PRORP: variants seen among roughly 807,000 people sequenced by gnomAD.
The protein encoded by PRORP is protein only RNase P catalytic subunit.
Under a neutral mutation model 59.4 loss-of-function variants are expected in PRORP, and 51 were observed. The ratio of observed to expected loss-of-function variants is 0.86; its 90% confidence interval spans 0.69 to 1.08. The LOEUF is 1.08. Ranked by LOEUF, PRORP falls within the 50% of genes least tolerant of loss-of-function variation. The pLI, the probability that PRORP is intolerant of heterozygous loss-of-function variation, is 0.00. For missense variants in PRORP, 646 were observed against 690.3 expected, an observed-to-expected ratio of 0.94 and a Z score of 0.72; for synonymous variants, 231 against 245.6, an observed-to-expected ratio of 0.94 and a Z score of 0.55.
Position 35,273,637 on chromosome 14 carries a change from T to C in PRORP, c.*71T>C. On this transcript the variant is annotated 3_prime_UTR_variant, in exon 8 of 8. Coordinates refer to ENST00000534898, the MANE Select transcript of PRORP (RefSeq NM_014672.4). ...TTGGCATCAGAGGCTCTTGAGCTGG[T>C]GTTTGTTTAGGGCATTGCCTCTGTC... 2.0e-6 allele frequency: 3 copies of C among 1,464,962 alleles called. No individual in the cohort carries two copies. Among genetic ancestry groups the C allele is most frequent in the Non-Finnish European group, 2.8e-6 (3 of 1,085,182 alleles). 90.7% of individuals were successfully genotyped at this position (1,464,962 alleles called of 1,614,324 possible). A position where few individuals can be genotyped will look rare whatever the true frequency, so the allele number is the denominator to read the frequency against.
At chr14:35,190,873 C>G (rs905310218) in intron 5 of PRORP, among the ~76,000 whole-genome samples, 3 of 152,144 alleles carry the variant, frequency 2.0e-5, no homozygotes, top group Non-Finnish European at 2.9e-5. Context: ...AGCACTTGAA[C>G]CAACATCTCT....
chr14:35,180,793 A>C lies in PRORP; in HGVS notation c.1275+16A>C. 1 of 1,457,314 alleles carries C rather than the reference A, an allele frequency of 6.9e-7. No homozygotes were observed. The highest frequency in any genetic ancestry group is 9.6e-7 in the Non-Finnish European group (1 of 1,039,500). The allele number at this position is 1,457,314 out of a possible 1,614,324, so 90.3% of individuals were successfully genotyped here. ...ATCTCAACTTGTAAGTATAAGTTTT[A>C]CTTTGTTATTCCACATCTCTAGAAA... On this transcript the variant is annotated intron_variant, in intron 5 of 7. Coordinates refer to ENST00000534898, the MANE Select transcript of PRORP (RefSeq NM_014672.4).
intron 4 of PRORP, 23 bp downstream of exon 4, chr14:35,127,634 C>A (rs760600098): frequency 5.0e-6 from 8 of 1,612,956 alleles, no homozygotes; most frequent in Admixed American, 3.3e-5. Flanking sequence ...AGTTTTATTT[C>A]TTCTTGGATT....
At chr14:35,243,829 G>C (rs540341919) in intron 5 of PRORP, among the ~76,000 whole-genome samples, 39 of 152,228 alleles carry the variant, frequency 2.6e-4, no homozygotes, top group Admixed American at 1.5e-3. Flanking sequence ...ATTAAGTGGT[G>C]ATGTGTATAA....
intron 5 of PRORP, among the ~76,000 whole-genome samples, chr14:35,196,399 C>T (rs12890874): frequency 0.38 from 57,226 of 151,956 alleles, 10,973 homozygotes; most frequent in Non-Finnish European, 0.42. Context: ...GAGGCTGAGG[C>T]GGGGGGAGGA....
intron 5 of PRORP, among the ~76,000 whole-genome samples, chr14:35,245,342 C>T (rs1230366300): frequency 2.0e-5 from 3 of 152,166 alleles, no homozygotes; most frequent in African/African-American, 7.2e-5. Context: ...GCATTCTGTG[C>T]TCCAGTTAAA....
At chr14:35,222,938 G>C (rs935789447) in intron 5 of PRORP, among the ~76,000 whole-genome samples, 1 of 152,078 alleles carries the variant, frequency 6.6e-6, no homozygotes, top group Non-Finnish European at 1.5e-5. Flanking sequence ...CTTACCTTCT[G>C]TCTGTCTGGG....
At chr14:35,147,271 G>T (rs2047635046) in intron 4 of PRORP, among the ~76,000 whole-genome samples, 1 of 152,216 alleles carries the variant, frequency 6.6e-6, no homozygotes, top group Admixed American at 6.5e-5. Context: ...CTGATGGCAA[G>T]TCTTGCCTTG....
At chr14:35,218,795 G>A (rs1033320281) in intron 5 of PRORP, among the ~76,000 whole-genome samples, 9 of 151,938 alleles carry the variant, frequency 5.9e-5, no homozygotes, top group African/African-American at 1.7e-4. Flanking sequence ...CAAAGTACTG[G>A]GATTAAAGGC....
At chr14:35,241,494 C>G (rs1303345112) in intron 5 of PRORP, among the ~76,000 whole-genome samples, 1 of 152,154 alleles carries the variant, frequency 6.6e-6, no homozygotes, top group African/African-American at 2.4e-5. Flanking sequence ...CTTGGACAGT[C>G]TGCTCTGGAT....
intron 4 of PRORP, among the ~76,000 whole-genome samples, chr14:35,138,275 C>A (rs530718068): frequency 6.8e-6 from 1 of 146,056 alleles, no homozygotes; most frequent in South Asian, 2.2e-4. Context: ...AAAGGCCTAT[C>A]TCCAAATACA....
chr14:35,203,232 G>A (rs1013938296), intron 5 of PRORP, among the ~76,000 whole-genome samples: 1 of 152,260 alleles, frequency 6.6e-6, no homozygotes, highest in South Asian at 2.1e-4. Context: ...GGCTGTACCT[G>A]TTTTTCACTA....
At chr14:35,259,163 A>AAG (rs2050834310) in intron 5 of PRORP, among the ~76,000 whole-genome samples, 1 of 152,148 alleles carries the variant, frequency 6.6e-6, no homozygotes, top group South Asian at 2.1e-4. Flanking sequence ...TAAGATTGCT[A>AAG]TGTTTTCTTA....
chr14:35,143,592 G>C (rs2047533445), intron 4 of PRORP, among the ~76,000 whole-genome samples: 1 of 145,856 alleles, frequency 6.9e-6, no homozygotes, highest in African/African-American at 2.4e-5. Context: ...CATTTTTGCA[G>C]GTCTTTTAAA....
intron 4 of PRORP, among the ~76,000 whole-genome samples, chr14:35,176,338 G>T (rs1286540385): frequency 3.3e-5 from 5 of 152,084 alleles, no homozygotes; most frequent in African/African-American, 9.7e-5. Context: ...GGGCAGTATG[G>T]CCATTTTCAC....
chr14:35,255,377 G>A (rs778270984), intron 5 of PRORP, among the ~76,000 whole-genome samples: 7 of 152,018 alleles, frequency 4.6e-5, no homozygotes, highest in Admixed American at 6.6e-5. Flanking sequence ...TGATCCACCC[G>A]CCTTGGCCTC....
intron 4 of PRORP, among the ~76,000 whole-genome samples, chr14:35,175,139 T>G (rs2048415224): frequency 6.6e-6 from 1 of 152,016 alleles, no homozygotes; most frequent in African/African-American, 2.4e-5. Context: ...ACCCAGTCTA[T>G]CATTGATGGA....
intron 4 of PRORP, chr14:35,159,089 G>A: frequency 5.0e-6 from 1 of 201,920 alleles, no homozygotes; most frequent in South Asian, 7.5e-5. Context: ...ATCAGCAGTG[G>A]ATCTCGCACT....
At chr14:35,141,779 C>A (rs1436864235) in intron 4 of PRORP, among the ~76,000 whole-genome samples, 1 of 144,578 alleles carries the variant, frequency 6.9e-6, no homozygotes, top group African/African-American at 2.4e-5. Flanking sequence ...TGCAGTGGCA[C>A]AATCACGGCT....
Sources: gnomAD v4.1 joint callset for allele counts (sites outside exome capture counted in the v4.1 genomes callset) on GRCh38, gnomAD v4.1.1 for gene constraint, MANE v1.5 for transcripts, NCBI Gene and HGNC (gene_info 2026-07-23, HGNC 2026-07-21) for gene names.